VCAN: variants seen among roughly 807,000 people sequenced by gnomAD.
VCAN encodes the protein versican.
In VCAN, 44 loss-of-function variants were observed where a neutral mutation model predicts 245.5. That is an observed-to-expected ratio of 0.18 (90% CI 0.14 to 0.23). The LOEUF (loss-of-function observed/expected upper bound fraction) is 0.23. Among genes scored for constraint, VCAN ranks in the 10% least tolerant of loss-of-function variants. VCAN has a pLI of 1.00. For missense variants in VCAN, 3,793 were observed against 4,057.9 expected, an observed-to-expected ratio of 0.93 and a Z score of 1.77; for synonymous variants, 1,413 against 1,437.0, an observed-to-expected ratio of 0.98 and a Z score of 0.38.
At chr5:83,553,584 T>C in intron 11 of VCAN, 62 bp downstream of exon 11, 1 of 1,609,056 alleles carries the variant, frequency 6.2e-7, no homozygotes, top group Non-Finnish European at 8.5e-7. Context: ...CTTAGTTTTG[T>C]CTGTGTGCAA....
intron 12 of VCAN, chr5:83,562,061 A>G (rs1042312569): frequency 6.6e-6 from 1 of 152,152 alleles, no homozygotes; most frequent in Non-Finnish European, 1.5e-5. Context: ...TCTATACAAC[A>G]TTTGCAGATG....
At chr5:83,511,289 C>A (rs1227722153) in intron 5 of VCAN, among the ~76,000 whole-genome samples, 8 of 151,982 alleles carry the variant, frequency 5.3e-5, no homozygotes, top group African/African-American at 1.9e-4. Flanking sequence ...TAGTTAAAGC[C>A]CCTACTAGCA....
chr5:83,542,328 C>T (rs541074172), intron 8 of VCAN, 60 bp downstream of exon 8: 63 of 1,520,358 alleles, frequency 4.1e-5, no homozygotes, highest in Non-Finnish European at 5.4e-5. Context: ...TTGGTGCTAA[C>T]GTTTATATGT....
intron 3 of VCAN, among the ~76,000 whole-genome samples, chr5:83,492,655 C>A (rs568181650): frequency 6.6e-6 from 1 of 152,250 alleles, no homozygotes; most frequent in East Asian, 1.9e-4. Flanking sequence ...TTATACCACC[C>A]CTAAAATACA....
chr5:83,485,567 AT>A lies in VCAN; in HGVS notation c.70+1982del, dbSNP rs550137348. Among the ~76,000 whole-genome samples the A allele has an allele frequency of 4.4e-3, 674 of 152,246 alleles. 2 individuals are homozygous for A. Among genetic ancestry groups the A allele is most frequent in the African/African-American group, 0.016 (657 of 41,546 alleles). On this transcript the variant is annotated intron_variant, in intron 2 of 14. Transcript: ENST00000265077. ...AAGCAAGGGTAGCAGCAGAGATATC[AT>A]TTAGGAGGTTATTGTAGTAGCCTGT... is the stretch of plus-strand genomic sequence containing the variant.
At chr5:83,548,106 G>A in intron 10 of VCAN, 22 bp downstream of exon 10, 9 of 1,576,610 alleles carry the variant, frequency 5.7e-6, no homozygotes, top group Non-Finnish European at 7.0e-6. Context: ...TGCAACATTT[G>A]TATGATGAAC....
intron 13 of VCAN, among the ~76,000 whole-genome samples, chr5:83,573,198 G>A (rs914949739): frequency 3.6e-4 from 55 of 152,068 alleles, no homozygotes; most frequent in African/African-American, 1.2e-3. Flanking sequence ...GCTCCTGACC[G>A]ACTTCTTTTT....
At position 83,553,531 on chromosome 5, in the gene VCAN, C is replaced by T; in HGVS notation, c.9652+9C>T. The T allele has an allele frequency of 1.9e-6, 3 of 1,613,832 alleles. No individual in the cohort carries two copies. Among genetic ancestry groups the T allele is most frequent in the Non-Finnish European group, 2.5e-6 (3 of 1,179,800 alleles). On this transcript the variant is annotated intron_variant, in intron 11 of 14. Coordinates refer to ENST00000265077, the MANE Select transcript of VCAN (RefSeq NM_004385.5). ...ACAAATGTTTGTTAATCGTATGTAC[C>T]AAATAGATACGAGTTTCCAGGAACT... is the stretch of plus-strand genomic sequence containing the variant.
chr5:83,530,818 T>C (rs967768039), intron 7 of VCAN, among the ~76,000 whole-genome samples: 2 of 152,072 alleles, frequency 1.3e-5, no homozygotes, highest in Admixed American at 1.3e-4. Context: ...TTTGAACTTT[T>C]TTTACAACCT....
At chr5:83,510,176 C>T (rs1471535035) in intron 5 of VCAN, among the ~76,000 whole-genome samples, 2 of 152,138 alleles carry the variant, frequency 1.3e-5, no homozygotes, top group Non-Finnish European at 1.5e-5. Context: ...ACACCTCTAC[C>T]ACTTCTTTCA....
At position 83,537,335 on chromosome 5, in the gene VCAN, G is replaced by A. The variant is rs753117271; in HGVS notation, c.4332G>A (p.Ser1444=). The part of the protein sequence containing the change: ...FESVAPSQNF[S]DSSESDTHPF... The stretch of plus-strand genomic sequence containing the variant: ...GTGTTGCACCTTCTCAGAATTTCTC[G>A]GACAGCTCTGAAAGTGATACTCATC... Residue 1444 remains serine, a synonymous_variant, in exon 8 of 15, where the codon TCG becomes TCA. Transcript: ENST00000265077. The A allele has an allele frequency of 1.2e-5, 20 of 1,613,778 alleles. No homozygotes were observed. Among genetic ancestry groups the A allele is most frequent in the Middle Eastern group, 1.6e-4 (1 of 6,084 alleles).
chr5:83,568,260 A>G (rs181676561), intron 12 of VCAN, among the ~76,000 whole-genome samples: 1 of 152,312 alleles, frequency 6.6e-6, no homozygotes, highest in Non-Finnish European at 1.5e-5. Context: ...AATAACATGA[A>G]GCAAAATCAA....
chr5:83,510,749 A>G (rs1745626669), intron 5 of VCAN, among the ~76,000 whole-genome samples: 1 of 152,268 alleles, frequency 6.6e-6, no homozygotes, highest in Non-Finnish European at 1.5e-5. Context: ...TCATTGTAAC[A>G]TGTTAAATGA....
chr5:83,486,075 G>A (rs758122143), intron 2 of VCAN, among the ~76,000 whole-genome samples: 12 of 152,236 alleles, frequency 7.9e-5, no homozygotes, highest in African/African-American at 1.4e-4. Flanking sequence ...CGAGGCTGCA[G>A]TGAGTCATGA....
chr5:83,560,358 A>G (rs970511966), intron 12 of VCAN, among the ~76,000 whole-genome samples: 12 of 152,084 alleles, frequency 7.9e-5, no homozygotes, highest in African/African-American at 2.7e-4. Flanking sequence ...CTTATTATTT[A>G]TATCCAAAAT....
intron 12 of VCAN, among the ~76,000 whole-genome samples, chr5:83,560,692 CT>C (rs1318416972): frequency 6.6e-6 from 1 of 152,144 alleles, no homozygotes; most frequent in Admixed American, 6.6e-5. Context: ...TCATACTGTT[CT>C]GTCTGACAAA....
intron 7 of VCAN, among the ~76,000 whole-genome samples, chr5:83,529,334 T>A (rs1746429369): frequency 8.1e-6 from 1 of 123,666 alleles, no homozygotes; most frequent in African/African-American, 3.1e-5. Flanking sequence ...TAAAGAATAT[T>A]TGAAAAAAAA....
In VCAN at chr5:83,543,178, C is replaced by T. The variant is rs115288076; in HGVS notation, c.9265+910C>T. Among the ~76,000 whole-genome samples, 820 of 152,234 alleles carry T rather than the reference C, an allele frequency of 5.4e-3. 8 individuals carry two copies. Among genetic ancestry groups the T allele is most frequent in the African/African-American group, 0.019 (785 of 41,546 alleles). ...ATTGAATAATATATGAACCAGGAATCTTGGAATATTTACTTTGTAGAATTT... is the reference window on the plus strand; with the variant it reads ...ATTGAATAATATATGAACCAGGAATTTTGGAATATTTACTTTGTAGAATTT... On this transcript the variant is annotated intron_variant, in intron 8 of 14. Transcript: ENST00000265077.
intron 13 of VCAN, among the ~76,000 whole-genome samples, chr5:83,574,036 T>TG (rs1443198330): frequency 6.6e-6 from 1 of 152,180 alleles, no homozygotes; most frequent in Non-Finnish European, 1.5e-5. Flanking sequence ...CCTCAAGACC[T>TG]GGGGGGCCTC....
Sources: gnomAD v4.1 joint callset for allele counts (sites outside exome capture counted in the v4.1 genomes callset) on GRCh38, gnomAD v4.1.1 for gene constraint, MANE v1.5 for transcripts, NCBI Gene and HGNC (gene_info 2026-07-23, HGNC 2026-07-21) for gene names.